Variants in ANK2 observed in about 807,000 individuals in gnomAD.
ANK2 encodes the protein ankyrin-2.
A neutral mutation model predicts 360.5 loss-of-function variants in ANK2; 83 were observed. The observed-to-expected ratio is 0.23, with a 90% CI of 0.19 to 0.28. The LOEUF (loss-of-function observed/expected upper bound fraction) is 0.28. ANK2 is among the 10% of genes least tolerant of loss of function. The probability of loss-of-function intolerance (pLI) is 1.00; values close to 1 mark genes in which losing one functional copy is unlikely to be tolerated. For missense variants in ANK2, 4,201 were observed against 4,795.7 expected (o/e 0.88, Z 3.66); for synonymous variants, 1,740 against 1,759.5 (o/e 0.99, Z 0.28).
intron 1 of ANK2, among the ~76,000 whole-genome samples, chr4:113,054,035 A>G (rs976914505): frequency 1.3e-5 from 2 of 152,206 alleles, no homozygotes; most frequent in Non-Finnish European, 2.9e-5. Context: ...GATTTTGGTA[A>G]TTTACATAAT....
chr4:112,972,025 T>G (rs992602695), intron 2 of ANK2, among the ~76,000 whole-genome samples: 8 of 152,286 alleles, frequency 5.3e-5, no homozygotes, highest in African/African-American at 1.9e-4. Flanking sequence ...GGTGGGCCCC[T>G]TTTACAATTC....
Position 113,358,650 on chromosome 4 carries a change from A to G in ANK2, c.10032A>G (p.Pro3344=), listed in dbSNP as rs775667097. The G allele has an allele frequency of 5.4e-5, 87 of 1,613,954 alleles. No individual in the cohort carries two copies. The highest frequency in any genetic ancestry group is 1.1e-4 in the African/African-American group (8 of 74,898). ...DEENKADEAK[P]KSKLPVKVPL... ...AAAATAAGGCGGATGAAGCAAAACC[A>G]AAGTCCAAACTCCCTGTCAAAGTAC... is the stretch of plus-strand genomic sequence containing the variant. Residue 3344 remains proline (P), a synonymous_variant, in exon 38 of 46, where the codon CCA becomes CCG. Coordinates refer to ENST00000357077, the MANE Select transcript of ANK2 (RefSeq NM_001148.6).
At chr4:112,995,270 T>A (rs2048156538) in intron 2 of ANK2, among the ~76,000 whole-genome samples, 1 of 152,220 alleles carries the variant, frequency 6.6e-6, no homozygotes, top group Non-Finnish European at 1.5e-5. Flanking sequence ...CTTGCCAACA[T>A]CTGATATTTT....
intron 38 of ANK2, among the ~76,000 whole-genome samples, chr4:113,360,532 C>G (rs1256029203): frequency 1.3e-5 from 2 of 152,038 alleles, no homozygotes; most frequent in African/African-American, 4.8e-5. Flanking sequence ...GCAGTATTCT[C>G]TCCAATAATT....
chr4:112,769,838 C>A, the ANK2 span, among the ~76,000 whole-genome samples: 2 of 152,150 alleles, frequency 1.3e-5, no homozygotes, highest in Non-Finnish European at 2.9e-5. Flanking sequence ...CTGCCTACTG[C>A]CTGATTGAGC....
intron 1 of ANK2, chr4:112,827,024 T>G: frequency 7.0e-7 from 1 of 1,428,134 alleles, no homozygotes; most frequent in Non-Finnish European, 9.9e-7. Flanking sequence ...TAGACATTGG[T>G]AAAAAGCATG....
chr4:112,894,105 A>G (rs2081015176), intron 1 of ANK2, among the ~76,000 whole-genome samples: 1 of 152,142 alleles, frequency 6.6e-6, no homozygotes, highest in African/African-American at 2.4e-5. Flanking sequence ...GTACCACATC[A>G]ATTCTTCATC....
chr4:113,376,802 G>GTTTTTTTTTTTTTTTTTTTTTTTTTAGTT (rs36011726), intron 45 of ANK2, among the ~76,000 whole-genome samples: 1 of 114,182 alleles, frequency 8.8e-6, no homozygotes, highest in Non-Finnish European at 1.7e-5. Context: ...ACTTTTTAAG[G>GTTTTTTTTTTTTTTTTTTTTTTTTTAGTT]TTTTTTTTTT....
At chr4:113,149,298 G>C (rs1003406478) in intron 1 of ANK2, 10 of 152,128 alleles carry the variant, frequency 6.6e-5, no homozygotes, top group Admixed American at 1.3e-4. Context: ...GTGTGTGAGA[G>C]AATGAGTGAG....
chr4:112,933,702 G>A (rs2093471679), intron 2 of ANK2, among the ~76,000 whole-genome samples: 1 of 152,094 alleles, frequency 6.6e-6, no homozygotes, highest in African/African-American at 2.4e-5. Context: ...GTTTTGCCAT[G>A]TTGGTCAGGC....
intron 1 of ANK2, among the ~76,000 whole-genome samples, chr4:112,837,272 C>T (rs901724820): frequency 4.6e-5 from 7 of 152,334 alleles, no homozygotes; most frequent in Admixed American, 1.3e-4. Flanking sequence ...GGTGTTGGGC[C>T]TGTGGGTACA....
chr4:113,314,201 A>G (rs1010616592), intron 24 of ANK2, among the ~76,000 whole-genome samples: 5 of 152,258 alleles, frequency 3.3e-5, no homozygotes, highest in Non-Finnish European at 7.3e-5. Flanking sequence ...CAAATTAAAA[A>G]TGCTTTCCAA....
At chr4:112,878,992 A>T (rs1349419069) in intron 1 of ANK2, among the ~76,000 whole-genome samples, 1 of 152,170 alleles carries the variant, frequency 6.6e-6, no homozygotes. Flanking sequence ...GGAGGAATTT[A>T]TATTTTCTAA....
chr4:112,800,148 A>G, the ANK2 span, among the ~76,000 whole-genome samples: 3 of 152,152 alleles, frequency 2.0e-5, no homozygotes, highest in African/African-American at 7.2e-5. Flanking sequence ...AGTCACGACA[A>G]ATGTCGTTCC....
chr4:112,825,201 G>C (rs2058144715), intron 1 of ANK2, among the ~76,000 whole-genome samples: 1 of 152,148 alleles, frequency 6.6e-6, no homozygotes, highest in Non-Finnish European at 1.5e-5. Flanking sequence ...GGTGGGGAGA[G>C]GGAGGAGGGA....
At chr4:112,762,727 C>G in the ANK2 span, among the ~76,000 whole-genome samples, 2 of 152,200 alleles carry the variant, frequency 1.3e-5, no homozygotes, top group Non-Finnish European at 2.9e-5. Context: ...CCAGGCTGGT[C>G]TGGAACTCCT....
chr4:112,873,467 A>G (rs2073946681), intron 1 of ANK2, among the ~76,000 whole-genome samples: 1 of 151,682 alleles, frequency 6.6e-6, no homozygotes, highest in South Asian at 2.1e-4. Flanking sequence ...ATTGGTTATT[A>G]GAAGTATTTT....
intron 2 of ANK2, among the ~76,000 whole-genome samples, chr4:112,957,625 C>T (rs548029664): frequency 1.3e-4 from 19 of 145,024 alleles, no homozygotes; most frequent in Middle Eastern, 4.0e-3. Context: ...CCGGACGGGG[C>T]GGCTGGCCGG....
intron 5 of ANK2, among the ~76,000 whole-genome samples, chr4:113,235,948 C>T (rs1024522251): frequency 6.7e-6 from 1 of 149,024 alleles, no homozygotes; most frequent in African/African-American, 2.5e-5. Context: ...CACTGTTAGC[C>T]AGGATGGTCT....
Sources: allele counts gnomAD v4.1 joint callset (sites outside exome capture counted in the v4.1 genomes callset), GRCh38; gene constraint gnomAD v4.1.1; transcripts MANE v1.5; gene names NCBI Gene and HGNC (gene_info 2026-07-23, HGNC 2026-07-21).